The following KDM2A variants were observed in gnomAD, a reference collection of about 807,000 sequenced individuals.
KDM2A encodes the protein lysine demethylase 2A, also known as lysine-specific demethylase 2A.
A neutral mutation model predicts 137.3 loss-of-function variants in KDM2A; 3 were observed. That is an observed-to-expected ratio of 0.02 (90% CI 0.01 to 0.06). KDM2A has a LOEUF of 0.06. Among genes scored for constraint, KDM2A ranks in the 10% least tolerant of loss-of-function variants. The pLI is 1.00. For missense variants in KDM2A, 738 were observed against 1,510.6 expected, an observed-to-expected ratio of 0.49 and a Z score of 8.48; for synonymous variants, 512 against 541.5, an observed-to-expected ratio of 0.95 and a Z score of 0.76.
intron 12 of KDM2A, among the ~76,000 whole-genome samples, chr11:67,241,231 G>C (rs943665786): frequency 6.6e-5 from 10 of 152,112 alleles, no homozygotes; most frequent in African/African-American, 2.2e-4. Flanking sequence ...AGGGAGATTA[G>C]GAGCCCATAC....
At chr11:67,152,976 G>C (rs1309845053) in intron 2 of KDM2A, among the ~76,000 whole-genome samples, 1 of 144,764 alleles carries the variant, frequency 6.9e-6, no homozygotes, top group Non-Finnish European at 1.5e-5. Flanking sequence ...CTCTTATAGT[G>C]TTCATGGTAT....
chr11:67,133,462 G>A (rs1279405415), intron 2 of KDM2A, among the ~76,000 whole-genome samples: 1 of 152,072 alleles, frequency 6.6e-6, no homozygotes, highest in Non-Finnish European at 1.5e-5. Flanking sequence ...GAGTGCAGTG[G>A]CCTAATCTCT....
intron 8 of KDM2A, among the ~76,000 whole-genome samples, chr11:67,217,260 A>C (rs1858194732): frequency 6.6e-6 from 1 of 151,984 alleles, no homozygotes; most frequent in African/African-American, 2.4e-5. Context: ...AAAAAAAAAA[A>C]AAAGTCTTAA....
At position 67,257,909 on chromosome 11, in the gene KDM2A, G is replaced by A. The variant is rs1450328242; in HGVS notation, c.*2854G>A. On this transcript the variant is annotated 3_prime_UTR_variant, in exon 21 of 21. Coordinates refer to ENST00000529006, the MANE Select transcript of KDM2A (RefSeq NM_012308.3). The stretch of plus-strand genomic sequence containing the variant: ...AAAGTTCTCCACTATTGGTTTTAGA[G>A]AGAGCAAGGACATCTTTCCTCTGAC... The A allele has an allele frequency of 6.6e-6, 1 of 152,166 alleles. No homozygotes were observed. The highest frequency in any genetic ancestry group is 1.5e-5 in the Non-Finnish European group (1 of 68,030). 9.4% of individuals were successfully genotyped at this position (152,166 alleles called of 1,614,324 possible).
chr11:67,202,684 G>A (rs1857664249), intron 5 of KDM2A, among the ~76,000 whole-genome samples: 2 of 151,994 alleles, frequency 1.3e-5, no homozygotes. Flanking sequence ...GCTGAGGCAG[G>A]AGAATGGCGT....
intron 2 of KDM2A, among the ~76,000 whole-genome samples, chr11:67,125,470 A>G (rs945058211): frequency 2.0e-5 from 3 of 151,908 alleles, no homozygotes; most frequent in Non-Finnish European, 4.4e-5. Context: ...GGAAAAAAAA[A>G]TCAGAAATAA....
chr11:67,228,710 A>G (rs1188523360), intron 11 of KDM2A, among the ~76,000 whole-genome samples: 1 of 151,706 alleles, frequency 6.6e-6, no homozygotes, highest in Non-Finnish European at 1.5e-5. Context: ...AAAAGAAAGA[A>G]AGAACGATGA....
intron 2 of KDM2A, among the ~76,000 whole-genome samples, chr11:67,133,835 A>G (rs1855912193): frequency 6.6e-6 from 1 of 152,024 alleles, no homozygotes; most frequent in African/African-American, 2.4e-5. Flanking sequence ...CTGGGTTTAC[A>G]GCCCTGCGCC....
At chr11:67,221,517 G>T (rs1453442450) in intron 10 of KDM2A, among the ~76,000 whole-genome samples, 1 of 152,082 alleles carries the variant, frequency 6.6e-6, no homozygotes, top group African/African-American at 2.4e-5. Context: ...TGCCTATTTT[G>T]CAACATTTAT....
chr11:67,207,890 G>A (rs1857857924), intron 6 of KDM2A, among the ~76,000 whole-genome samples: 1 of 152,054 alleles, frequency 6.6e-6, no homozygotes, highest in South Asian at 2.1e-4. Context: ...AATTAGCTGG[G>A]TGTGATGGCA....
chr11:67,248,018 A>G (rs1590827169), intron 15 of KDM2A, among the ~76,000 whole-genome samples: 1 of 152,254 alleles, frequency 6.6e-6, no homozygotes, highest in African/African-American at 2.4e-5. Flanking sequence ...TGAAGGTAAT[A>G]ATATCAGCCA....
chr11:67,207,775 A>C, intron 6 of KDM2A, 87 bp downstream of exon 6: 1 of 1,161,740 alleles, frequency 8.6e-7, no homozygotes, highest in South Asian at 1.8e-5. Flanking sequence ...TTGTTATCCC[A>C]GCACTTTGGG....
intron 12 of KDM2A, chr11:67,240,364 C>T (rs1479102494): frequency 2.0e-6 from 3 of 1,534,916 alleles, no homozygotes; most frequent in Non-Finnish European, 2.6e-6. Context: ...CGACGGGAAA[C>T]GAAAGGTCAG....
chr11:67,228,535 A>G (rs1250949818), intron 11 of KDM2A, among the ~76,000 whole-genome samples: 1 of 151,866 alleles, frequency 6.6e-6, no homozygotes, highest in African/African-American at 2.4e-5. Flanking sequence ...TACAGAAACT[A>G]CAGAAAATTG....
In KDM2A at chr11:67,255,629, C is replaced by T. The variant is rs1374765361; in HGVS notation, c.*574C>T. 2.2e-6 allele frequency: 1 copy of T among 453,306 alleles called. No homozygotes were observed. The highest frequency in any genetic ancestry group is 4.5e-6 in the Non-Finnish European group (1 of 224,652). 28.1% of individuals were successfully genotyped at this position (453,306 alleles called of 1,614,324 possible). ...AACCTCACGTCCTTAACTGTGCTCT[C>T]CCTCCTTTCCTCTCCCTTGAGCTTG... is the stretch of plus-strand genomic sequence containing the variant. On this transcript the variant is annotated 3_prime_UTR_variant, in exon 21 of 21. Transcript: ENST00000529006.
Position 67,195,453 on chromosome 11 carries a change from A to T in KDM2A, c.308-12057A>T, listed in dbSNP as rs1042358937. On this transcript the variant is annotated intron_variant, in intron 5 of 20. Coordinates refer to ENST00000529006, the MANE Select transcript of KDM2A (RefSeq NM_012308.3). The stretch of plus-strand genomic sequence containing the variant: ...GGTGGTTGGATTGCTGGTGATTTTT[A>T]TTTTCTTTTTAAACTCTTCTATTTT... 8 of 142,032 alleles carry T rather than the reference A, an allele frequency of 5.6e-5. No homozygotes were observed. In the Admixed American group the frequency reaches 5.7e-4, roughly 10 times the overall value. 8.8% of individuals were successfully genotyped at this position (142,032 alleles called of 1,614,324 possible).
chr11:67,155,546 C>T (rs1283144555), intron 2 of KDM2A, among the ~76,000 whole-genome samples: 1 of 152,122 alleles, frequency 6.6e-6, no homozygotes, highest in Non-Finnish European at 1.5e-5. Context: ...TAAAATGACC[C>T]TCCTGCCTCA....
At position 67,164,356 on chromosome 11, in the gene KDM2A, T is replaced by C. The variant is rs148205036; in HGVS notation, c.43-15723T>C. 2.9e-4 allele frequency among the ~76,000 whole-genome samples: 44 copies of C among 152,328 alleles called. No individual in the cohort carries two copies. The East Asian group carries it at 7.5e-3, about 26-fold the overall frequency. On this transcript the variant is annotated intron_variant, in intron 2 of 20. Coordinates refer to ENST00000529006, the MANE Select transcript of KDM2A (RefSeq NM_012308.3). The stretch of plus-strand genomic sequence containing the variant: ...GATTGAAGATGATTTCTTAATGTTT[T>C]AGATGGGATACTTAAATCTGGAGAA...
intron 2 of KDM2A, among the ~76,000 whole-genome samples, chr11:67,174,048 A>C (rs369400307): frequency 2.0e-5 from 3 of 152,188 alleles, no homozygotes; most frequent in African/African-American, 7.2e-5. Flanking sequence ...ACCTGAAGTC[A>C]GGAGTTCGAG....
Sources: allele counts gnomAD v4.1 joint callset (sites outside exome capture counted in the v4.1 genomes callset), GRCh38; gene constraint gnomAD v4.1.1; transcripts MANE v1.5; gene names NCBI Gene and HGNC (gene_info 2026-07-23, HGNC 2026-07-21).